Variants in SGK1 observed in about 807,000 individuals in gnomAD.
The protein encoded by SGK1 is serum/glucocorticoid regulated kinase 1, also known as serine/threonine-protein kinase Sgk1.
In SGK1, 26 loss-of-function variants were observed where a neutral mutation model predicts 64.2. The ratio of observed to expected loss-of-function variants is 0.40; its 90% CI spans 0.30 to 0.56. The LOEUF (loss-of-function observed/expected upper bound fraction) is 0.56, where lower values mean the gene tolerates loss of function less well. SGK1 is among the 20% of genes least tolerant of loss of function. The probability of loss-of-function intolerance (pLI) is 0.38; values close to 1 mark genes in which losing one functional copy is unlikely to be tolerated. For synonymous variants in SGK1, 265 were observed against 239.7 expected (o/e 1.11, Z -0.98); for missense variants, 519 against 645.6 (o/e 0.80, Z 2.12).
At chr6:134,244,561 G>A (rs1039192271) in intron 2 of SGK1, among the ~76,000 whole-genome samples, 6 of 152,100 alleles carry the variant, frequency 3.9e-5, no homozygotes, top group South Asian at 2.1e-4. Context: ...CCTTGGCTAC[G>A]GGAGAGAGTT....
chr6:134,298,238 G>A lies in SGK1; in HGVS notation c.69+19154C>T, dbSNP rs553302556. 243 of 1,575,782 alleles carry A rather than the reference G, an allele frequency of 1.5e-4. No individual in the cohort carries two copies. The Middle Eastern group carries it at 1.7e-3, about 11-fold the overall frequency. ...TCCAGCTTCAGCTTCTCCTGGCCCCGAGTCTCCAGCTGCCGCCTAAGGTTG... is the reference window on the plus strand; with the variant it reads ...TCCAGCTTCAGCTTCTCCTGGCCCCAAGTCTCCAGCTGCCGCCTAAGGTTG... On this transcript the variant is annotated intron_variant, in intron 1 of 13. Transcript: ENST00000367858.
chr6:134,219,619 G>T (rs1304151860), intron 2 of SGK1, among the ~76,000 whole-genome samples: 1 of 151,844 alleles, frequency 6.6e-6, no homozygotes, highest in African/African-American at 2.4e-5. Flanking sequence ...AAATAGCCGG[G>T]CGTAGTGGCG....
intron 1 of SGK1, among the ~76,000 whole-genome samples, chr6:134,265,751 T>A (rs1776845728): frequency 6.7e-6 from 1 of 149,684 alleles, no homozygotes; most frequent in Non-Finnish European, 1.5e-5. Flanking sequence ...CAACTCTTCG[T>A]ACTTTAACTT....
intron 2 of SGK1, among the ~76,000 whole-genome samples, chr6:134,246,791 C>T (rs778930042): frequency 9.9e-5 from 15 of 152,082 alleles, no homozygotes; most frequent in Admixed American, 8.5e-4. Flanking sequence ...CAGGGTTTCG[C>T]CATGTTGGCT....
chr6:134,295,524 C>T lies in SGK1; in HGVS notation c.69+21868G>A, dbSNP rs548497703. Among the ~76,000 whole-genome samples, 12 of 152,112 alleles carry T rather than the reference C, an allele frequency of 7.9e-5. No homozygotes were observed. The South Asian group carries it at 2.3e-3, about 29-fold the overall frequency. ...TTCGAGACAAGCCTGGCCATCATGG[C>T]GAAACCTTGTCTCTACTAAAAATAC... On this transcript the variant is annotated intron_variant, in intron 1 of 13. Transcript: ENST00000367858.
chr6:134,281,358 G>A (rs1777091769), intron 1 of SGK1, among the ~76,000 whole-genome samples: 1 of 152,138 alleles, frequency 6.6e-6, no homozygotes, highest in African/African-American at 2.4e-5. Flanking sequence ...AGAGTACTGA[G>A]TATATCTATG....
At chr6:134,231,099 G>A (rs1401719083) in intron 2 of SGK1, among the ~76,000 whole-genome samples, 1 of 152,190 alleles carries the variant, frequency 6.6e-6, no homozygotes, top group African/African-American at 2.4e-5. Context: ...TAAGGTGGAA[G>A]GATTGCTTGA....
intron 1 of SGK1, among the ~76,000 whole-genome samples, chr6:134,277,711 T>C (rs986990046): frequency 9.2e-5 from 14 of 152,324 alleles, no homozygotes; most frequent in African/African-American, 3.4e-4. Context: ...TAACACCATA[T>C]AGCTCTTAAA....
chr6:134,204,261 TAAA>T (rs1462084455), intron 3 of SGK1, among the ~76,000 whole-genome samples: 16 of 149,322 alleles, frequency 1.1e-4, no homozygotes, highest in Admixed American at 2.7e-4. Flanking sequence ...AATAAATAAA[TAAA>T]TAATTACTCT....
chr6:134,248,217 T>A (rs548029850), intron 2 of SGK1, among the ~76,000 whole-genome samples: 7 of 152,094 alleles, frequency 4.6e-5, no homozygotes, highest in South Asian at 2.1e-4. Context: ...CCAAGGAAGG[T>A]CAGCTAGATT....
intron 13 of SGK1, 163 bp downstream of exon 13, chr6:134,170,663 G>T: frequency 1.4e-6 from 1 of 694,558 alleles, no homozygotes; most frequent in South Asian, 2.0e-5. Flanking sequence ...AATTATGGGA[G>T]CCTTGTTGGG....
At position 134,264,010 on chromosome 6, in the gene SGK1, C is replaced by G. The variant is rs113282435; in HGVS notation, c.70-1862G>C. 9.6e-3 allele frequency among the ~76,000 whole-genome samples: 1,463 copies of G among 152,144 alleles called. 25 individuals are homozygous for G. The highest frequency in any genetic ancestry group is 0.033 in the African/African-American group (1,382 of 41,510). ...CCCATTATACAGATGGAAAAACAAA[C>G]GCATAGAGATGTGAAGCAAATTTCC... On this transcript the variant is annotated intron_variant, in intron 1 of 13. Transcript: ENST00000367858.
rs551587554 is a variant in SGK1, at chr6:134,192,681, C to A, written c.361+14675G>T. Among the ~76,000 whole-genome samples, 4 of 151,724 alleles carry A rather than the reference C, an allele frequency of 2.6e-5. No individual in the cohort carries two copies. In the South Asian group the frequency reaches 8.3e-4, roughly 32 times the overall value. On this transcript the variant is annotated intron_variant, in intron 3 of 13. Coordinates refer to ENST00000367858, the MANE Select transcript of SGK1 (RefSeq NM_001143676.3). ...GCCTCCCGGGTTCAAGCGATTCCCC[C>A]ACCTCAGCCTCCCGAGTAGCTGGGA...
At chr6:134,209,835 C>A (rs754211320) in intron 2 of SGK1, among the ~76,000 whole-genome samples, 7 of 152,152 alleles carry the variant, frequency 4.6e-5, no homozygotes, top group Admixed American at 1.3e-4. Context: ...CTCCACCACG[C>A]CTGGCTAATT....
chr6:134,313,050 G>C (rs991726722), intron 1 of SGK1, among the ~76,000 whole-genome samples: 1 of 152,198 alleles, frequency 6.6e-6, no homozygotes, highest in Non-Finnish European at 1.5e-5. Context: ...TGGCATTACA[G>C]GCGTGAGCCA....
At chr6:134,299,191 C>CA (rs1192694968) in intron 1 of SGK1, among the ~76,000 whole-genome samples, 2 of 114,874 alleles carry the variant, frequency 1.7e-5, no homozygotes, top group East Asian at 2.7e-4. Flanking sequence ...CTCATCCTTA[C>CA]AAAAAAATTA....
chr6:134,241,473 C>T (rs911644846), intron 2 of SGK1, among the ~76,000 whole-genome samples: 5 of 151,198 alleles, frequency 3.3e-5, no homozygotes, highest in Non-Finnish European at 7.4e-5. Context: ...AACCACCCTG[C>T]CCAGCCCAAA....
intron 3 of SGK1, among the ~76,000 whole-genome samples, chr6:134,206,360 TATATATATATATATA>T (rs1775774622): frequency 4.1e-4 from 3 of 7,356 alleles, no homozygotes; most frequent in Admixed American, 9.8e-4. Context: ...TATATATATA[TATATATATATATATA>T]TATATATATT....
chr6:134,213,569 G>T (rs1775926914), intron 2 of SGK1, among the ~76,000 whole-genome samples: 1 of 104,888 alleles, frequency 9.5e-6, no homozygotes, highest in African/African-American at 5.0e-5. Context: ...TGAAACACCT[G>T]TGGCTTAGCA....
Sources: allele counts gnomAD v4.1 joint callset (sites outside exome capture counted in the v4.1 genomes callset), GRCh38; gene constraint gnomAD v4.1.1; transcripts MANE v1.5; gene names NCBI Gene and HGNC (gene_info 2026-07-23, HGNC 2026-07-21).